The following PCBP3 variants were observed in gnomAD, a reference collection of about 807,000 sequenced individuals.
The protein encoded by PCBP3 is poly(rC)-binding protein 3.
In PCBP3, 25 loss-of-function variants were observed where a neutral mutation model predicts 52.7. The observed-to-expected ratio is 0.47, with a 90% CI of 0.35 to 0.66. The LOEUF (loss-of-function observed/expected upper bound fraction) is 0.66, where lower values mean the gene tolerates loss of function less well. Among genes scored for constraint, PCBP3 ranks in the 30% least tolerant of loss-of-function variants. The probability of loss-of-function intolerance (pLI) is 0.01; values close to 1 mark genes in which losing one functional copy is unlikely to be tolerated. For synonymous variants in PCBP3, 162 were observed against 183.0 expected (o/e 0.89, Z 0.93); for missense variants, 391 against 490.3 (o/e 0.80, Z 1.91).
In PCBP3 at chr21:45,821,854, G is replaced by A. The variant is rs780189668; in HGVS notation, c.-125-28107G>A. 2.0e-5 allele frequency among the ~76,000 whole-genome samples: 3 copies of A among 152,202 alleles called. No homozygotes were observed. The highest frequency in any genetic ancestry group is 4.1e-4 in the South Asian group (2 of 4,836). On this transcript the variant is annotated intron_variant, in intron 4 of 17. Coordinates refer to ENST00000681687, the MANE Select transcript of PCBP3 (RefSeq NM_001384156.1). The surrounding 1 kb of genome is among the most constrained non-coding windows in gnomAD (Gnocchi z 4.4). ...TTCGAGCTTCCGTCCTGCAAGCACC[G>A]GCAGTGTCAGGGAGGCACCGCCCAG...
At chr21:45,757,404 A>T (rs187981239) in intron 4 of PCBP3, among the ~76,000 whole-genome samples, 6 of 152,210 alleles carry the variant, frequency 3.9e-5, no homozygotes, top group Admixed American at 3.9e-4. Flanking sequence ...AGGTTTTTTA[A>T]ATATATATAT....
chr21:45,815,333 AGTGAGTGGTGAGTGATGAGTG>A (rs2092875861), intron 4 of PCBP3, among the ~76,000 whole-genome samples: 1 of 33,352 alleles, frequency 3.0e-5, no homozygotes. Flanking sequence ...GTGAGTGATG[AGTGAGTGGTGAGTGATGAGTG>A]GTGAGTGGTG....
intron 5 of PCBP3, among the ~76,000 whole-genome samples, chr21:45,882,359 T>G (rs1015185223): frequency 6.6e-6 from 1 of 152,214 alleles, no homozygotes; most frequent in Non-Finnish European, 1.5e-5. Flanking sequence ...TCTTTGCCAT[T>G]TTTTTAAAAT....
At chr21:45,708,768 G>A (rs879892718) in intron 2 of PCBP3, among the ~76,000 whole-genome samples, 6 of 152,212 alleles carry the variant, frequency 3.9e-5, no homozygotes, top group Non-Finnish European at 8.8e-5. Flanking sequence ...GATTCATGTG[G>A]GTTCCGTAGA....
intron 1 of PCBP3, among the ~76,000 whole-genome samples, chr21:45,648,102 A>G (rs981495557): frequency 1.3e-5 from 2 of 152,186 alleles, no homozygotes; most frequent in Admixed American, 6.5e-5. Context: ...TCCCCTAGAG[A>G]CTTGGGAAAG....
At chr21:45,818,490 C>T (rs1217104068) in intron 4 of PCBP3, among the ~76,000 whole-genome samples, 2 of 152,206 alleles carry the variant, frequency 1.3e-5, no homozygotes, top group Non-Finnish European at 2.9e-5. Flanking sequence ...CCTGAAGCCC[C>T]TGGCAACCAC....
chr21:45,850,621 T>G (rs1387587820), intron 5 of PCBP3, among the ~76,000 whole-genome samples: 4 of 152,204 alleles, frequency 2.6e-5, no homozygotes, highest in Non-Finnish European at 1.5e-5. Flanking sequence ...GTTTGGAGCT[T>G]TTAACATATC....
rs977468028 is a variant in PCBP3, at chr21:45,669,389, CTGTTTT to C, written c.-200+439_-200+444del. Among the ~76,000 whole-genome samples, 10 of 151,922 alleles carry C rather than the reference CTGTTTT, an allele frequency of 6.6e-5. No homozygotes were observed. The East Asian group carries it at 1.9e-3, about 29-fold the overall frequency. On this transcript the variant is annotated intron_variant, in intron 2 of 17. Coordinates refer to ENST00000681687, the MANE Select transcript of PCBP3 (RefSeq NM_001384156.1). Reference sequence around the variant, plus strand: ...TTTTGTAGCTTCTAATTTATTGTTTCTGTTTTTAACTATAGCAACTATAGTTTTAAA... The same window carrying C: ...TTTTGTAGCTTCTAATTTATTGTTTCTAACTATAGCAACTATAGTTTTAAA...
chr21:45,847,179 C>A (rs1332684848), intron 4 of PCBP3, among the ~76,000 whole-genome samples: 1 of 152,120 alleles, frequency 6.6e-6, no homozygotes, highest in Non-Finnish European at 1.5e-5. Flanking sequence ...TAACACCTCT[C>A]ATTGCACCCT....
Position 45,941,634 on chromosome 21 carries a change from G to A in PCBP3, c.1080-36G>A, listed in dbSNP as rs370673522. On this transcript the variant is annotated intron_variant, in intron 17 of 17. Transcript: ENST00000681687. ...GCCCACTGATGAGGGCGTTGGTTGTGACCGTCTCTCCCTCTCCTGCCTTTG... is the reference window on the plus strand; with the variant it reads ...GCCCACTGATGAGGGCGTTGGTTGTAACCGTCTCTCCCTCTCCTGCCTTTG... 122 of 1,594,316 alleles carry A rather than the reference G, an allele frequency of 7.7e-5. No individual in the cohort carries two copies. The African/African-American group carries it at 1.4e-3, about 18-fold the overall frequency.
At chr21:45,891,594 G>A (rs1356475627) in intron 5 of PCBP3, among the ~76,000 whole-genome samples, 4 of 152,070 alleles carry the variant, frequency 2.6e-5, no homozygotes, top group South Asian at 2.1e-4. Flanking sequence ...GTGGGAGCAC[G>A]GACCACAGGG....
chr21:45,864,220 C>T (rs748204332), intron 5 of PCBP3, among the ~76,000 whole-genome samples: 1 of 152,042 alleles, frequency 6.6e-6, no homozygotes, highest in East Asian at 1.9e-4. Flanking sequence ...TGTGGGTGAA[C>T]GCTGGCCTCT....
At chr21:45,924,431 C>T (rs186465054) in intron 13 of PCBP3, among the ~76,000 whole-genome samples, 102 of 48,814 alleles carry the variant, frequency 2.1e-3, no homozygotes, top group Middle Eastern at 0.014. Context: ...ATGCGAACAC[C>T]GGGAACAGTC....
At chr21:45,698,638 G>A (rs1330850960) in intron 2 of PCBP3, among the ~76,000 whole-genome samples, 1 of 152,230 alleles carries the variant, frequency 6.6e-6, no homozygotes, top group Non-Finnish European at 1.5e-5. Flanking sequence ...GAATGTGGGA[G>A]CCAAAAGGCT....
At chr21:45,647,379 C>T (rs2079385115) in intron 1 of PCBP3, among the ~76,000 whole-genome samples, 1 of 152,194 alleles carries the variant, frequency 6.6e-6, no homozygotes, top group Non-Finnish European at 1.5e-5. Context: ...TTGAAGGGCT[C>T]ACCTGTTCGG....
chr21:45,759,815 A>G (rs1282957110), intron 4 of PCBP3: 2 of 152,248 alleles, frequency 1.3e-5, no homozygotes. Context: ...GGTGAAATGA[A>G]GTCTATATTT....
At position 45,853,982 on chromosome 21, in the gene PCBP3, C is replaced by G. The variant is rs1220105909; in HGVS notation, c.10+3887C>G. 3.3e-5 allele frequency: 5 copies of G among 150,862 alleles called. No homozygotes were observed. The East Asian group carries it at 5.9e-4, about 18-fold the overall frequency. 9.3% of individuals were successfully genotyped at this position (150,862 alleles called of 1,614,324 possible). A position where few individuals can be genotyped will look rare whatever the true frequency, so the allele number is the denominator to read the frequency against. ...CGCATCTCAGCCTCTGTGCACGAGG[C>G]TAGGAAGAGAAGAGATTTCCAAAAA... On this transcript the variant is annotated intron_variant, in intron 5 of 17. Coordinates refer to ENST00000681687, the MANE Select transcript of PCBP3 (RefSeq NM_001384156.1). This position sits in a 1 kb window ranked among gnomAD's most constrained non-coding sequence, Gnocchi z 4.6.
At chr21:45,815,522 TGATG>T (rs2092892849) in intron 4 of PCBP3, among the ~76,000 whole-genome samples, 2 of 64,288 alleles carry the variant, frequency 3.1e-5, no homozygotes, top group Non-Finnish European at 6.0e-5. Flanking sequence ...GAGTGGTGAG[TGATG>T]AGTGAGTGGT....
intron 2 of PCBP3, among the ~76,000 whole-genome samples, chr21:45,694,982 CAA>C (rs1167758184): frequency 2.0e-5 from 3 of 152,090 alleles, no homozygotes; most frequent in Non-Finnish European, 2.9e-5. Flanking sequence ...TAAAGATGTG[CAA>C]AAGACTTCGA....
Sources: allele counts gnomAD v4.1 joint callset (sites outside exome capture counted in the v4.1 genomes callset), GRCh38; gene constraint gnomAD v4.1.1; non-coding constraint Gnocchi (gnomAD v3.1); transcripts MANE v1.5; gene names NCBI Gene and HGNC (gene_info 2026-07-23, HGNC 2026-07-21).